The following FBXL4 variants were observed in gnomAD, a reference collection of about 807,000 sequenced individuals.
FBXL4 encodes F-box/LRR-repeat protein 4.
A neutral mutation model predicts 58.9 loss-of-function variants in FBXL4; 40 were observed. That is an observed-to-expected ratio of 0.68 (90% confidence interval 0.53 to 0.88). FBXL4 has a LOEUF of 0.88. Ranked by LOEUF, FBXL4 falls within the 40% of genes least tolerant of loss-of-function variation. FBXL4 has a pLI of 0.00. For missense variants in FBXL4, 676 were observed against 734.4 expected (o/e 0.92, Z 0.92); for synonymous variants, 263 against 265.5 (o/e 0.99, Z 0.09).
intron 7 of FBXL4, among the ~76,000 whole-genome samples, chr6:98,886,316 G>A (rs187722510): frequency 4.6e-5 from 7 of 152,234 alleles, no homozygotes; most frequent in Admixed American, 2.0e-4. Flanking sequence ...TTTATTGATT[G>A]AGATTGTGTG....
At chr6:98,886,059 C>G (rs1771028367) in intron 7 of FBXL4, among the ~76,000 whole-genome samples, 2 of 152,202 alleles carry the variant, frequency 1.3e-5, no homozygotes, top group South Asian at 4.1e-4. Flanking sequence ...CAGATAACAA[C>G]CTGGCTGCAA....
At chr6:98,896,329 G>C (rs1771408988) in intron 7 of FBXL4, among the ~76,000 whole-genome samples, 1 of 152,158 alleles carries the variant, frequency 6.6e-6, no homozygotes, top group Non-Finnish European at 1.5e-5. Context: ...GACAATGGAG[G>C]TGTTTACAGA....
rs758088733 is a variant in FBXL4, at chr6:98,926,931, G to A, written c.58C>T (p.Arg20Trp). Residue 20 changes from arginine (R) to tryptophan (W), a missense_variant, in exon 4 of 10, where the codon CGG becomes TGG. Transcript: ENST00000369244. The stretch of plus-strand genomic sequence containing the variant: ...CTTGTAGCTGTCCTGGCTCGGCGCC[G>A]AAGGCATATATAATAAAACATGGTC... The part of the protein sequence containing the change: ...VLTMFYYICL[R>W]RRARTATRGE... 142 of 1,613,972 alleles carry A rather than the reference G, an allele frequency of 8.8e-5. No homozygotes were observed. Among genetic ancestry groups the A allele is most frequent in the Middle Eastern group, 1.6e-4 (1 of 6,082 alleles).
intron 5 of FBXL4, among the ~76,000 whole-genome samples, chr6:98,914,570 CAT>C (rs1361872075): frequency 6.6e-6 from 1 of 152,150 alleles, no homozygotes; most frequent in East Asian, 1.9e-4. Context: ...ACAAAAACCA[CAT>C]GATTATCTCA....
rs571704374 is a variant in FBXL4, at chr6:98,870,488, T to A, written c.*3790A>T. On this transcript the variant is annotated 3_prime_UTR_variant, in exon 10 of 10. Coordinates refer to ENST00000369244, the MANE Select transcript of FBXL4 (RefSeq NM_001278716.2). ...TTGCTTTCACATTAGAATGGCAGAGTTGAACAAATGCAAAGGAGACTTATG... is the reference window on the plus strand; with the variant it reads ...TTGCTTTCACATTAGAATGGCAGAGATGAACAAATGCAAAGGAGACTTATG... 6.6e-6 allele frequency: 1 copy of A among 152,192 alleles called. No homozygotes were observed. Among genetic ancestry groups the A allele is most frequent in the Non-Finnish European group, 1.5e-5 (1 of 68,040 alleles). 9.4% of individuals were successfully genotyped at this position (152,192 alleles called of 1,614,324 possible). A position where few individuals can be genotyped will look rare whatever the true frequency, so the allele number is the denominator to read the frequency against.
intron 7 of FBXL4, among the ~76,000 whole-genome samples, chr6:98,894,818 T>C (rs938186960): frequency 2.6e-5 from 4 of 152,196 alleles, no homozygotes; most frequent in Admixed American, 1.3e-4. Flanking sequence ...TCATTTTTCA[T>C]TGTAATCCTA....
chr6:98,917,780 G>T, intron 4 of FBXL4, 61 bp from the exon 5 acceptor site: 1 of 1,256,534 alleles, frequency 8.0e-7, no homozygotes, highest in Non-Finnish European at 1.1e-6. Context: ...GGTCCCTTAA[G>T]GTTATAGACC....
In FBXL4 at chr6:98,873,243, A is replaced by G. The variant is rs956477434; in HGVS notation, c.*1035T>C. The G allele has an allele frequency of 6.1e-5, 9 of 147,720 alleles. No homozygotes were observed. The highest frequency in any genetic ancestry group is 1.2e-4 in the Non-Finnish European group (8 of 67,152). 9.2% of individuals were successfully genotyped at this position (147,720 alleles called of 1,614,324 possible). On this transcript the variant is annotated 3_prime_UTR_variant, in exon 10 of 10. Coordinates refer to ENST00000369244, the MANE Select transcript of FBXL4 (RefSeq NM_001278716.2). ...TTATATATATGTATATAATATATACATGTACATTACATATAATATAAATGT... is the reference window on the plus strand; with the variant it reads ...TTATATATATGTATATAATATATACGTGTACATTACATATAATATAAATGT...
intron 8 of FBXL4, among the ~76,000 whole-genome samples, chr6:98,878,023 G>A (rs939828082): frequency 6.6e-6 from 1 of 152,142 alleles, no homozygotes; most frequent in African/African-American, 2.4e-5. Flanking sequence ...TGTCTAACTG[G>A]CACTTGTGGC....
At position 98,873,477 on chromosome 6, in the gene FBXL4, A is replaced by G. The variant is rs2128374237; in HGVS notation, c.*801T>C. The G allele has an allele frequency of 6.6e-6, 1 of 151,852 alleles. No homozygotes were observed. Among genetic ancestry groups the G allele is most frequent in the African/African-American group, 2.4e-5 (1 of 41,474 alleles). 9.4% of individuals were successfully genotyped at this position (151,852 alleles called of 1,614,324 possible). A position where few individuals can be genotyped will look rare whatever the true frequency, so the allele number is the denominator to read the frequency against. Reference sequence around the variant, plus strand: ...TTCTAACAGTTGGAAAGCTTTTTTTATTTAGTAGTTTACCTCTTATTCTTG... The same window carrying G: ...TTCTAACAGTTGGAAAGCTTTTTTTGTTTAGTAGTTTACCTCTTATTCTTG... On this transcript the variant is annotated 3_prime_UTR_variant, in exon 10 of 10. Coordinates refer to ENST00000369244, the MANE Select transcript of FBXL4 (RefSeq NM_001278716.2).
chr6:98,936,324 T>G (rs1773216028), intron 1 of FBXL4, among the ~76,000 whole-genome samples: 1 of 152,222 alleles, frequency 6.6e-6, no homozygotes, highest in African/African-American at 2.4e-5. Flanking sequence ...CCACAACCTA[T>G]GCCAAGCAAA....
chr6:98,885,613 G>T (rs13206505), intron 7 of FBXL4, among the ~76,000 whole-genome samples: 1 of 152,124 alleles, frequency 6.6e-6, no homozygotes, highest in East Asian at 1.9e-4. Context: ...AAACTGGGAC[G>T]CTGGTTTCTT....
intron 1 of FBXL4, among the ~76,000 whole-genome samples, chr6:98,942,898 G>A (rs898169928): frequency 6.6e-6 from 1 of 152,000 alleles, no homozygotes; most frequent in African/African-American, 2.4e-5. Context: ...CAGGAGAGGG[G>A]AAAAAATAGT....
intron 7 of FBXL4, among the ~76,000 whole-genome samples, chr6:98,893,490 T>C (rs566200064): frequency 6.6e-6 from 1 of 152,316 alleles, no homozygotes; most frequent in South Asian, 2.1e-4. Flanking sequence ...GATTAGGCTC[T>C]ACCCTAATGA....
rs1770567448 is a variant in FBXL4 at position 98,874,087 on chromosome 6, G to C, written c.*191C>G. ...TATCCACTCATATTCTTGAAGAGAA[G>C]TGCTTGCAGTATTTTATGAAAACAT... On this transcript the variant is annotated 3_prime_UTR_variant, in exon 10 of 10. Coordinates refer to ENST00000369244, the MANE Select transcript of FBXL4 (RefSeq NM_001278716.2). 2.2e-6 allele frequency: 1 copy of C among 452,280 alleles called. No homozygotes were observed. Among genetic ancestry groups the C allele is most frequent in the African/African-American group, 2.0e-5 (1 of 49,112 alleles). The allele number at this position is 452,280 out of a possible 1,614,324, so 28.0% of individuals were successfully genotyped here. A position where few individuals can be genotyped will look rare whatever the true frequency, so the allele number is the denominator to read the frequency against.
intron 4 of FBXL4, among the ~76,000 whole-genome samples, chr6:98,919,476 C>A (rs1036927695): frequency 6.6e-5 from 10 of 152,086 alleles, no homozygotes; most frequent in African/African-American, 2.4e-4. Context: ...ACCAATCTTG[C>A]AAGGCAGGGA....
rs541759092 is a variant in FBXL4, at chr6:98,869,072, T to C, written c.*5206A>G. On this transcript the variant is annotated 3_prime_UTR_variant, in exon 10 of 10. Coordinates refer to ENST00000369244, the MANE Select transcript of FBXL4 (RefSeq NM_001278716.2). ...GCCAAAAAAATGATTCTAACAGTTA[T>C]GGTTTTACACTCACAGCCTAGGTTT... 9.2e-5 allele frequency: 14 copies of C among 152,304 alleles called. No homozygotes were observed. Among genetic ancestry groups the C allele is most frequent in the Non-Finnish European group, 1.9e-4 (13 of 68,016 alleles). 9.4% of individuals were successfully genotyped at this position (152,304 alleles called of 1,614,324 possible).
Position 98,873,209 on chromosome 6 carries a change from T to C in FBXL4, c.*1069A>G, listed in dbSNP as rs1173353104. 6.8e-6 allele frequency: 1 copy of C among 147,578 alleles called. No individual in the cohort carries two copies. Among genetic ancestry groups the C allele is most frequent in the Non-Finnish European group, 1.5e-5 (1 of 67,158 alleles). The allele number at this position is 147,578 out of a possible 1,614,324, so 9.1% of individuals were successfully genotyped here. On this transcript the variant is annotated 3_prime_UTR_variant, in exon 10 of 10. Coordinates refer to ENST00000369244, the MANE Select transcript of FBXL4 (RefSeq NM_001278716.2). ...AAGATATATATCTCTCTCTATATAATATATATAATTATATATATGTATATA... is the reference window on the plus strand; with the variant it reads ...AAGATATATATCTCTCTCTATATAACATATATAATTATATATATGTATATA...
chr6:98,936,022 T>A (rs1184402474), intron 1 of FBXL4, among the ~76,000 whole-genome samples: 1 of 152,166 alleles, frequency 6.6e-6, no homozygotes, highest in Non-Finnish European at 1.5e-5. Flanking sequence ...AGCCATATAT[T>A]TTTGTACATT....
Sources: allele counts gnomAD v4.1 joint callset (sites outside exome capture counted in the v4.1 genomes callset), GRCh38; gene constraint gnomAD v4.1.1; transcripts MANE v1.5; gene names NCBI Gene and HGNC (gene_info 2026-07-23, HGNC 2026-07-21).